PAWR: variants seen among roughly 807,000 people sequenced by gnomAD.
The protein encoded by PAWR is PRKC apoptosis WT1 regulator protein.
PAWR carries 23 observed loss-of-function variants against 32.0 expected under a neutral mutation model. The ratio of observed to expected loss-of-function variants is 0.72; its 90% CI spans 0.52 to 1.02. The LOEUF is 1.02. Among genes scored for constraint, PAWR ranks in the 50% least tolerant of loss-of-function variants. PAWR has a pLI of 0.00. For missense variants in PAWR, 457 were observed against 437.7 expected (o/e 1.04, Z -0.39); for synonymous variants, 226 against 187.1 (o/e 1.21, Z -1.70).
In PAWR at chr12:79,625,134, C is replaced by A. The variant is rs192759208; in HGVS notation, c.517-3927G>T. ...AAGTATCTCAGTGTAATTTTAGCAG[C>A]AGTTCCTATGGTTAAGAGTCATTTG... On this transcript the variant is annotated intron_variant, in intron 2 of 6. Transcript: ENST00000328827. 5.2e-3 allele frequency among the ~76,000 whole-genome samples: 799 copies of A among 152,246 alleles called. 6 individuals carry two copies. Among genetic ancestry groups the A allele is most frequent in the African/African-American group, 0.019 (777 of 41,542 alleles).
chr12:79,683,330 T>C (rs1878532822), intron 2 of PAWR, among the ~76,000 whole-genome samples: 1 of 152,204 alleles, frequency 6.6e-6, no homozygotes, highest in African/African-American at 2.4e-5. Context: ...CATGTAACAA[T>C]CCTGTTAGAT....
In PAWR at chr12:79,648,026, A is replaced by C. The variant is rs186222897; in HGVS notation, c.517-26819T>G. Among the ~76,000 whole-genome samples, 141 of 152,296 alleles carry C rather than the reference A, an allele frequency of 9.3e-4. 2 individuals carry two copies. Among genetic ancestry groups the C allele is most frequent in the Admixed American group, 8.3e-3 (127 of 15,302 alleles). On this transcript the variant is annotated intron_variant, in intron 2 of 6. Coordinates refer to ENST00000328827, the MANE Select transcript of PAWR (RefSeq NM_002583.4). ...AAGGTTCACACTCCTTTGAGAATCT[A>C]ATGCCCCTGCTGATCTGACAGGAGG...
intron 2 of PAWR, among the ~76,000 whole-genome samples, chr12:79,669,429 T>G (rs894940579): frequency 3.3e-5 from 5 of 152,196 alleles, no homozygotes; most frequent in Non-Finnish European, 7.4e-5. Context: ...TCTTATATCT[T>G]GATTATTGGT....
intron 4 of PAWR, among the ~76,000 whole-genome samples, chr12:79,601,582 T>C (rs1236376538): frequency 6.6e-6 from 1 of 152,200 alleles, no homozygotes; most frequent in Non-Finnish European, 1.5e-5. Flanking sequence ...TGTTGGTATC[T>C]ATGTTTACTT....
intron 4 of PAWR, among the ~76,000 whole-genome samples, chr12:79,600,219 C>T (rs772262668): frequency 3.4e-4 from 51 of 152,128 alleles, no homozygotes; most frequent in Non-Finnish European, 2.9e-4. Flanking sequence ...TGGTTTACTA[C>T]TGCTATCGCA....
intron 6 of PAWR, among the ~76,000 whole-genome samples, chr12:79,593,169 G>A (rs908613524): frequency 6.6e-6 from 1 of 152,114 alleles, no homozygotes; most frequent in Non-Finnish European, 1.5e-5. Flanking sequence ...ATCTTTAAAG[G>A]TGTACAATGG....
At chr12:79,605,272 T>C (rs1403339824) in intron 4 of PAWR, among the ~76,000 whole-genome samples, 2 of 152,156 alleles carry the variant, frequency 1.3e-5, no homozygotes, top group Non-Finnish European at 2.9e-5. Context: ...ATTTCTGGTA[T>C]ATTAAATATA....
intron 2 of PAWR, among the ~76,000 whole-genome samples, chr12:79,660,931 A>C (rs1877319198): frequency 1.3e-5 from 2 of 151,868 alleles, no homozygotes; most frequent in Non-Finnish European, 2.9e-5. Context: ...ACAGAATATA[A>C]AGATTAAGTC....
intron 3 of PAWR, among the ~76,000 whole-genome samples, chr12:79,617,782 T>G (rs75538329): frequency 0.025 from 3,810 of 152,272 alleles, 190 homozygotes; most frequent in African/African-American, 0.087. Flanking sequence ...TCTCCAGTGT[T>G]GAAGGCGGGG....
At chr12:79,602,661 T>A (rs1874008870) in intron 4 of PAWR, among the ~76,000 whole-genome samples, 1 of 152,218 alleles carries the variant, frequency 6.6e-6, no homozygotes, top group Admixed American at 6.5e-5. Context: ...TCCATCAGGT[T>A]TCACAAGTTT....
At chr12:79,625,878 A>G (rs1875277887) in intron 2 of PAWR, among the ~76,000 whole-genome samples, 2 of 151,852 alleles carry the variant, frequency 1.3e-5, no homozygotes, top group Non-Finnish European at 2.9e-5. Flanking sequence ...ACAAAAGTAT[A>G]TAAGAAATAT....
chr12:79,632,308 C>A (rs7308684), intron 2 of PAWR: 1 of 25,166 alleles, frequency 4.0e-5, no homozygotes, highest in African/African-American at 3.0e-4. Flanking sequence ...TATATATATA[C>A]ATACATATAT....
At chr12:79,629,005 T>G in intron 2 of PAWR, among the ~76,000 whole-genome samples, 1 of 152,006 alleles carries the variant, frequency 6.6e-6, no homozygotes, top group Admixed American at 6.6e-5. Flanking sequence ...GCAACTGCTT[T>G]AAAAGCCAAT....
chr12:79,604,726 A>C, intron 4 of PAWR: 1 of 1,282,840 alleles, frequency 7.8e-7, no homozygotes, highest in Non-Finnish European at 1.0e-6. Context: ...CTCTTCCTTT[A>C]AATACAAACA....
chr12:79,634,284 G>GT (rs1022808142), intron 2 of PAWR, among the ~76,000 whole-genome samples: 2 of 151,972 alleles, frequency 1.3e-5, no homozygotes, highest in Non-Finnish European at 2.9e-5. Flanking sequence ...TTATCTCTTG[G>GT]TTTTTTCTTT....
At chr12:79,595,013 G>A (rs1226997871) in intron 5 of PAWR, among the ~76,000 whole-genome samples, 2 of 152,008 alleles carry the variant, frequency 1.3e-5, no homozygotes, top group Non-Finnish European at 2.9e-5. Context: ...CACTGTGCCC[G>A]GCCTGTGATT....
rs1032729522 is a variant in PAWR at position 79,589,814 on chromosome 12, G to C, written c.*2793C>G. On this transcript the variant is annotated 3_prime_UTR_variant, in exon 7 of 7. Coordinates refer to ENST00000328827, the MANE Select transcript of PAWR (RefSeq NM_002583.4). Reference sequence around the variant, plus strand: ...TAGAACTTTGAATGTGCTTTATTATGCCACAAATTCCCAGGAGATTTAAGA... The same window carrying C: ...TAGAACTTTGAATGTGCTTTATTATCCCACAAATTCCCAGGAGATTTAAGA... 7.9e-5 allele frequency: 12 copies of C among 152,228 alleles called. 1 individual carries two copies. Among genetic ancestry groups the C allele is most frequent in the African/African-American group, 2.9e-4 (12 of 41,534 alleles). 9.4% of individuals were successfully genotyped at this position (152,228 alleles called of 1,614,324 possible).
Position 79,685,753 on chromosome 12 carries a change from G to T in PAWR, c.516+3976C>A, listed in dbSNP as rs1454840282. 2.0e-5 allele frequency among the ~76,000 whole-genome samples: 3 copies of T among 152,014 alleles called. No individual in the cohort carries two copies. The East Asian group carries it at 5.8e-4, about 29-fold the overall frequency. On this transcript the variant is annotated intron_variant, in intron 2 of 6. Transcript: ENST00000328827. Reference sequence around the variant, plus strand: ...TTCTATTCAATTCCATACCTTTACTGTTTTCCTCATTCAGATGTTTAAATT... The same window carrying T: ...TTCTATTCAATTCCATACCTTTACTTTTTTCCTCATTCAGATGTTTAAATT...
At chr12:79,610,109 A>G (rs1007662250) in intron 4 of PAWR, among the ~76,000 whole-genome samples, 3 of 152,200 alleles carry the variant, frequency 2.0e-5, no homozygotes, top group Non-Finnish European at 4.4e-5. Flanking sequence ...GGCTAGGTCC[A>G]GCACCTGTGC....
Sources: gnomAD v4.1 joint callset for allele counts (sites outside exome capture counted in the v4.1 genomes callset) on GRCh38, gnomAD v4.1.1 for gene constraint, MANE v1.5 for transcripts, NCBI Gene and HGNC (gene_info 2026-07-23, HGNC 2026-07-21) for gene names.